The following LRPPRC variants were observed in gnomAD, a reference collection of about 807,000 sequenced individuals.
The protein encoded by LRPPRC is leucine-rich PPR motif-containing protein, mitochondrial.
Under a neutral mutation model 180.3 loss-of-function variants are expected in LRPPRC, and 120 were observed. The observed-to-expected ratio is 0.67, with a 90% CI of 0.57 to 0.77. The LOEUF is 0.77. LRPPRC is among the 30% of genes least tolerant of loss of function. The pLI, the probability that LRPPRC is intolerant of heterozygous loss-of-function variation, is 0.00. For missense variants in LRPPRC, 2,012 were observed against 1,657.2 expected (o/e 1.21, Z -3.72); for synonymous variants, 723 against 600.0 (o/e 1.21, Z -3.00).
chr2:43,963,766 C>A (rs908687555), intron 11 of LRPPRC, 60 bp from the exon 12 acceptor site: 2 of 918,056 alleles, frequency 2.2e-6, no homozygotes, highest in African/African-American at 1.6e-5. Flanking sequence ...AAGAAAAGAT[C>A]GGTAAGTTCA....
rs186780668 is a variant in LRPPRC, at chr2:43,946,055, T to G, written c.2210+58A>C. Reference sequence around the variant, plus strand: ...AGTAATATTCCATCTAGATAATCTATCAAGGTCTGTAGAGCAGAATAAATG... The same window carrying G: ...AGTAATATTCCATCTAGATAATCTAGCAAGGTCTGTAGAGCAGAATAAATG... On this transcript the variant is annotated intron_variant, in intron 21 of 37. Coordinates refer to ENST00000260665, the MANE Select transcript of LRPPRC (RefSeq NM_133259.4). The G allele has an allele frequency of 9.0e-5, 138 of 1,540,278 alleles. 1 individual carries two copies. In the African/African-American group the frequency reaches 1.7e-3, roughly 19 times the overall value.
chr2:43,930,612 T>C lies in LRPPRC; in HGVS notation c.2736+3578A>G, dbSNP rs547062181. 1.4e-4 allele frequency among the ~76,000 whole-genome samples: 21 copies of C among 152,356 alleles called. No individual in the cohort carries two copies. In the South Asian group the frequency reaches 3.7e-3, roughly 27 times the overall value. On this transcript the variant is annotated intron_variant, in intron 25 of 37. Coordinates refer to ENST00000260665, the MANE Select transcript of LRPPRC (RefSeq NM_133259.4). Reference sequence around the variant, plus strand: ...TTTCTCCTTTGAGAAAAACTTTCACTGTTACAGGTAATAATCATAATTTAC... The same window carrying C: ...TTTCTCCTTTGAGAAAAACTTTCACCGTTACAGGTAATAATCATAATTTAC...
Position 43,886,795 on chromosome 2 carries a change from A to G in LRPPRC, c.*1805T>C, listed in dbSNP as rs1252336336. 1 of 152,222 alleles carries G rather than the reference A, an allele frequency of 6.6e-6. No individual in the cohort carries two copies. Among genetic ancestry groups the G allele is most frequent in the Non-Finnish European group, 1.5e-5 (1 of 68,044 alleles). 9.4% of individuals were successfully genotyped at this position (152,222 alleles called of 1,614,324 possible). A position where few individuals can be genotyped will look rare whatever the true frequency, so the allele number is the denominator to read the frequency against. Reference sequence around the variant, plus strand: ...AGTGAATGTTGACTAACTTGTGGTTAGCATGACTGCAAAAAAATGAGGCCT... The same window carrying G: ...AGTGAATGTTGACTAACTTGTGGTTGGCATGACTGCAAAAAAATGAGGCCT... On this transcript the variant is annotated 3_prime_UTR_variant, in exon 38 of 38. Coordinates refer to ENST00000260665, the MANE Select transcript of LRPPRC (RefSeq NM_133259.4).
chr2:43,972,027 A>G (rs1673841160), intron 11 of LRPPRC, among the ~76,000 whole-genome samples: 1 of 152,204 alleles, frequency 6.6e-6, no homozygotes, highest in Non-Finnish European at 1.5e-5. Flanking sequence ...ACTGGCAACT[A>G]ATTTTTAAAC....
chr2:43,924,087 T>A (rs994428160), intron 27 of LRPPRC, among the ~76,000 whole-genome samples: 3 of 152,206 alleles, frequency 2.0e-5, no homozygotes, highest in African/African-American at 7.2e-5. Context: ...TTTATTTACA[T>A]CATCGAGATG....
chr2:43,946,109 T>G lies in LRPPRC; in HGVS notation c.2210+4A>C, dbSNP rs190007694. 3.4e-4 allele frequency: 549 copies of G among 1,612,368 alleles called. No individual in the cohort carries two copies. The highest frequency in any genetic ancestry group is 4.4e-4 in the Non-Finnish European group (521 of 1,178,688). On this transcript the variant is annotated splice_donor_region_variant and intron_variant, in intron 21 of 37. Transcript: ENST00000260665. The stretch of plus-strand genomic sequence containing the variant: ...ACAACTTGTTTCAGTGCCAGGGTAC[T>G]CACAATTCTTCTTTCAAGTTCAAGG...
At chr2:43,963,893 C>T in intron 11 of LRPPRC, 187 bp from the exon 12 acceptor site, 2 of 612,612 alleles carry the variant, frequency 3.3e-6, no homozygotes, top group Non-Finnish European at 5.8e-6. Flanking sequence ...CTCCTTTCTT[C>T]ATCCCCCTCT....
chr2:43,991,944 A>G (rs1179227495), intron 1 of LRPPRC, among the ~76,000 whole-genome samples: 1 of 152,224 alleles, frequency 6.6e-6, no homozygotes, highest in Non-Finnish European at 1.5e-5. Flanking sequence ...CAATGTCTTA[A>G]GATTTTCATT....
At chr2:43,965,827 C>T (rs535237651) in intron 11 of LRPPRC, among the ~76,000 whole-genome samples, 1 of 152,294 alleles carries the variant, frequency 6.6e-6, no homozygotes, top group South Asian at 2.1e-4. Flanking sequence ...TCACCTTACA[C>T]CTGTCAGAAT....
At chr2:43,981,214 T>C (rs1444174353) in intron 2 of LRPPRC, among the ~76,000 whole-genome samples, 1 of 151,904 alleles carries the variant, frequency 6.6e-6, no homozygotes, top group Non-Finnish European at 1.5e-5. Context: ...GAAAGGAAAA[T>C]AATGGAAAGC....
In LRPPRC at chr2:43,899,270, G is replaced by A; in HGVS notation, c.3774C>T (p.Phe1258=). ...CCTTGCCTGCATCCACAAGTTGAAG[G>A]AAAAAATCAGTGACAGGTTTATAAA... ...FAIYKPVTDF[F]LQLVDAGKVD... is the part of the protein sequence containing the mutation. The change falls in exon 34 of 38, where the codon TTC becomes TTT. Residue 1258 remains phenylalanine (F), a synonymous_variant. Coordinates refer to ENST00000260665, the MANE Select transcript of LRPPRC (RefSeq NM_133259.4). 6.2e-7 allele frequency: 1 copy of A among 1,614,046 alleles called. No individual in the cohort carries two copies. The highest frequency in any genetic ancestry group is 8.5e-7 in the Non-Finnish European group (1 of 1,179,972).
At chr2:43,906,697 C>T (rs754555138) in intron 30 of LRPPRC, among the ~76,000 whole-genome samples, 1 of 152,152 alleles carries the variant, frequency 6.6e-6, no homozygotes, top group Admixed American at 6.5e-5. Flanking sequence ...CCTGCCAACA[C>T]GGACATATAA....
chr2:43,970,187 G>T (rs1178297870), intron 11 of LRPPRC, among the ~76,000 whole-genome samples: 2 of 152,106 alleles, frequency 1.3e-5, no homozygotes, highest in African/African-American at 4.8e-5. Flanking sequence ...CATTCTCTTA[G>T]TTCTTCATTT....
chr2:43,918,833 AT>A (rs1671586919), intron 27 of LRPPRC, among the ~76,000 whole-genome samples: 1 of 147,110 alleles, frequency 6.8e-6, no homozygotes, highest in East Asian at 2.0e-4. Flanking sequence ...CTATATATAG[AT>A]ATCTCTATAT....
At chr2:43,905,957 T>A (rs78439170) in intron 30 of LRPPRC, among the ~76,000 whole-genome samples, 177 bp from the exon 31 acceptor site, 1 of 151,560 alleles carries the variant, frequency 6.6e-6, no homozygotes, top group African/African-American at 2.4e-5. Flanking sequence ...AGAAGGATAA[T>A]TTTTTTTTGC....
At chr2:43,946,358 G>A in intron 20 of LRPPRC, 115 bp from the exon 21 acceptor site, 1 of 784,444 alleles carries the variant, frequency 1.3e-6, no homozygotes, top group Non-Finnish European at 2.2e-6. Context: ...AAAAATAAAT[G>A]GTTTCATGTT....
intron 1 of LRPPRC, among the ~76,000 whole-genome samples, chr2:43,982,895 T>G (rs1336056560): frequency 6.6e-6 from 1 of 151,694 alleles, no homozygotes; most frequent in Non-Finnish European, 1.5e-5. Context: ...ACTATGAATT[T>G]AAAAGAAGAC....
At chr2:43,920,923 T>C (rs1671677696) in intron 27 of LRPPRC, among the ~76,000 whole-genome samples, 1 of 152,162 alleles carries the variant, frequency 6.6e-6, no homozygotes. Context: ...ATTTTCTTTG[T>C]TTAAAAAAAG....
intron 30 of LRPPRC, among the ~76,000 whole-genome samples, chr2:43,908,907 G>C (rs1371937770): frequency 6.6e-6 from 1 of 152,220 alleles, no homozygotes; most frequent in Non-Finnish European, 1.5e-5. Context: ...TATGGATCCA[G>C]AGTAAGACTG....
Sources: allele counts gnomAD v4.1 joint callset (sites outside exome capture counted in the v4.1 genomes callset), GRCh38; gene constraint gnomAD v4.1.1; transcripts MANE v1.5; gene names NCBI Gene and HGNC (gene_info 2026-07-23, HGNC 2026-07-21).